Variants in PRKACB observed in about 807,000 individuals in gnomAD.
The protein encoded by PRKACB is protein kinase cAMP-activated catalytic subunit beta, also known as cAMP-dependent protein kinase catalytic subunit beta.
In PRKACB, 16 loss-of-function variants were observed where a neutral mutation model predicts 51.4. That is an observed-to-expected ratio of 0.31 (90% confidence interval 0.21 to 0.47). The LOEUF is 0.47. PRKACB is among the 20% of genes least tolerant of loss of function. The probability of loss-of-function intolerance (pLI) is 1.00; values close to 1 mark genes in which losing one functional copy is unlikely to be tolerated. For synonymous variants in PRKACB, 147 were observed against 154.4 expected (o/e 0.95, Z 0.35); for missense variants, 309 against 464.5 (o/e 0.67, Z 3.08).
intron 1 of PRKACB, chr1:84,175,029 C>A: frequency 6.8e-7 from 1 of 1,470,830 alleles, no homozygotes. Flanking sequence ...TTTTTGGACA[C>A]AAGCTTGCTC....
intron 4 of PRKACB, 134 bp downstream of exon 4, chr1:84,184,269 G>T: frequency 1.4e-6 from 1 of 698,702 alleles, no homozygotes; most frequent in South Asian, 3.3e-5. Context: ...TAGAGTTTGT[G>T]TAATTAAATC....
At chr1:84,207,494 A>T (rs1056780241) in intron 8 of PRKACB, among the ~76,000 whole-genome samples, 14 of 152,148 alleles carry the variant, frequency 9.2e-5, no homozygotes, top group African/African-American at 3.1e-4. Flanking sequence ...CCTGTTGAAA[A>T]ATTGTCTAAT....
At chr1:84,084,668 G>C (rs1182721773) in intron 1 of PRKACB, among the ~76,000 whole-genome samples, 2 of 152,160 alleles carry the variant, frequency 1.3e-5, no homozygotes, top group Admixed American at 1.3e-4. Flanking sequence ...GTATTGTACT[G>C]ATTGCATGTG....
intron 1 of PRKACB, chr1:84,078,375 A>T: frequency 1.9e-6 from 3 of 1,607,522 alleles, no homozygotes; most frequent in Non-Finnish European, 2.5e-6. Flanking sequence ...GAGAGCGGTG[A>T]GTTGAAGGCC....
rs1676732634 is a variant in PRKACB at position 84,237,174 on chromosome 1, T to A, written c.*1869T>A. On this transcript the variant is annotated 3_prime_UTR_variant, in exon 10 of 10. Coordinates refer to ENST00000370685, the MANE Select transcript of PRKACB (RefSeq NM_182948.4). ...AAGAAAAAAATAAAATACTCTGCTC[T>A]AGCAAGTTTTGTGTAACAAAGGCAT... 6.6e-6 allele frequency: 1 copy of A among 152,630 alleles called. No homozygotes were observed. Among genetic ancestry groups the A allele is most frequent in the Admixed American group, 6.5e-5 (1 of 15,286 alleles). 9.5% of individuals were successfully genotyped at this position (152,630 alleles called of 1,614,324 possible).
chr1:84,181,610 A>G (rs1406859075), intron 2 of PRKACB: 2 of 1,196,952 alleles, frequency 1.7e-6, no homozygotes, highest in South Asian at 2.0e-5. Flanking sequence ...GTTGTTTTAG[A>G]TAATACTGTG....
At chr1:84,118,622 C>T (rs186441091) in intron 1 of PRKACB, among the ~76,000 whole-genome samples, 292 of 152,068 alleles carry the variant, frequency 1.9e-3, no homozygotes, top group Non-Finnish European at 1.8e-3. Context: ...AAGAAGAAAG[C>T]CTGGAAAATG....
chr1:84,104,159 C>T (rs1649555689), intron 1 of PRKACB, among the ~76,000 whole-genome samples: 1 of 152,048 alleles, frequency 6.6e-6, no homozygotes, highest in South Asian at 2.1e-4. Context: ...TTTTAATAAC[C>T]ACAATTCTCC....
chr1:84,093,675 T>C (rs12035258), intron 1 of PRKACB, among the ~76,000 whole-genome samples: 1 of 151,812 alleles, frequency 6.6e-6, no homozygotes, highest in Non-Finnish European at 1.5e-5. Context: ...ATTGAATATA[T>C]AGTAGTTTGA....
At position 84,197,712 on chromosome 1, in the gene PRKACB, C is replaced by CT. The variant is rs781407944; in HGVS notation, c.688-10dup. 5 of 1,550,892 alleles carry CT rather than the reference C, an allele frequency of 3.2e-6. No homozygotes were observed. In the East Asian group the frequency reaches 6.8e-5, roughly 21 times the overall value. ...GAGGTAATACATTTTCACTAGTATTCTTTTTTTCTTTTATAGGTCACAGAC... is the reference window on the plus strand; with the variant it reads ...GAGGTAATACATTTTCACTAGTATTCTTTTTTTTCTTTTATAGGTCACAGAC... On this transcript the variant is annotated splice_polypyrimidine_tract_variant and intron_variant, in intron 6 of 9. Coordinates refer to ENST00000370685, the MANE Select transcript of PRKACB (RefSeq NM_182948.4).
At chr1:84,093,232 A>G (rs1257748283) in intron 1 of PRKACB, among the ~76,000 whole-genome samples, 2 of 151,800 alleles carry the variant, frequency 1.3e-5, no homozygotes, top group Admixed American at 1.3e-4. Flanking sequence ...TGCCTTTCAT[A>G]TTTAGAACTA....
At chr1:84,141,034 A>AT (rs1653355553), upstream of PRKACB, among the ~76,000 whole-genome samples, 2 of 152,128 alleles carry the variant, frequency 1.3e-5, no homozygotes, top group Non-Finnish European at 1.5e-5. Flanking sequence ...TGTCATCACT[A>AT]TTATTAAATA....
chr1:84,096,478 A>G (rs542050932), intron 1 of PRKACB, among the ~76,000 whole-genome samples: 1 of 152,212 alleles, frequency 6.6e-6, no homozygotes, highest in South Asian at 2.1e-4. Flanking sequence ...GCCAAGTGTA[A>G]TGTTGAATAT....
intron 8 of PRKACB, among the ~76,000 whole-genome samples, chr1:84,205,668 C>A (rs1171405341): frequency 1.3e-5 from 2 of 151,966 alleles, no homozygotes; most frequent in Non-Finnish European, 2.9e-5. Context: ...GTGATAAATT[C>A]ACTAAAGTAC....
At chr1:84,192,608 A>G (rs971561928) in intron 5 of PRKACB, among the ~76,000 whole-genome samples, 5 of 152,118 alleles carry the variant, frequency 3.3e-5, no homozygotes, top group Non-Finnish European at 7.4e-5. Context: ...GAAAAGCTCC[A>G]GAAGGGAACT....
At chr1:84,086,964 C>T (rs1482494031) in intron 1 of PRKACB, among the ~76,000 whole-genome samples, 1 of 152,250 alleles carries the variant, frequency 6.6e-6, no homozygotes, top group Non-Finnish European at 1.5e-5. Flanking sequence ...CAAGGGTCTG[C>T]ACCTAAAAAG....
chr1:84,193,856 C>T (rs1667475756), intron 5 of PRKACB, among the ~76,000 whole-genome samples: 1 of 152,072 alleles, frequency 6.6e-6, no homozygotes, highest in South Asian at 2.1e-4. Context: ...ATAACTAAAA[C>T]ACAAGTATGA....
In PRKACB at chr1:84,236,095, T is replaced by C. The variant is rs1676636482; in HGVS notation, c.*790T>C. Reference sequence around the variant, plus strand: ...AGATTCTCTCACTTGGTACCAGCATTTCTGTAGGTATTAGAGAAGAGTTCT... The same window carrying C: ...AGATTCTCTCACTTGGTACCAGCATCTCTGTAGGTATTAGAGAAGAGTTCT... On this transcript the variant is annotated 3_prime_UTR_variant, in exon 10 of 10. Coordinates refer to ENST00000370685, the MANE Select transcript of PRKACB (RefSeq NM_182948.4). 6.6e-6 allele frequency: 1 copy of C among 152,642 alleles called. No homozygotes were observed. The highest frequency in any genetic ancestry group is 1.5e-5 in the Non-Finnish European group (1 of 68,038). The allele number at this position is 152,642 out of a possible 1,614,324, so 9.5% of individuals were successfully genotyped here.
At chr1:84,234,107 TCTG>T (rs1206253601) in intron 9 of PRKACB, among the ~76,000 whole-genome samples, 4 of 152,144 alleles carry the variant, frequency 2.6e-5, no homozygotes, top group Admixed American at 2.0e-4. Flanking sequence ...GGATGTCCTT[TCTG>T]TTTGTTAGTT....
Sources: gnomAD v4.1 joint callset for allele counts (sites outside exome capture counted in the v4.1 genomes callset) on GRCh38, gnomAD v4.1.1 for gene constraint, MANE v1.5 for transcripts, NCBI Gene and HGNC (gene_info 2026-07-23, HGNC 2026-07-21) for gene names.